Variants in PAIP2 observed in about 807,000 individuals in gnomAD.
PAIP2 encodes poly(A) binding protein interacting protein 2.
Under a neutral mutation model 14.8 loss-of-function variants are expected in PAIP2, and 7 were observed. That is an observed-to-expected ratio of 0.47 (90% CI 0.27 to 0.89). The LOEUF (loss-of-function observed/expected upper bound fraction) is 0.89, where lower values mean the gene tolerates loss of function less well. PAIP2 is among the 40% of genes least tolerant of loss of function. PAIP2 has a pLI of 0.13. For synonymous variants in PAIP2, 47 were observed against 45.3 expected, an observed-to-expected ratio of 1.04 and a Z score of -0.15; for missense variants, 122 against 154.7, an observed-to-expected ratio of 0.79 and a Z score of 1.12.
chr5:139,350,295 A>T (rs1336093288), intron 1 of PAIP2, among the ~76,000 whole-genome samples: 1 of 152,182 alleles, frequency 6.6e-6, no homozygotes, highest in Non-Finnish European at 1.5e-5. Flanking sequence ...CAGATTAAGT[A>T]AAAAAGATGA....
chr5:139,343,543 C>T (rs1756444820), intron 1 of PAIP2: 1 of 152,132 alleles, frequency 6.6e-6, no homozygotes, highest in Non-Finnish European at 1.5e-5. Flanking sequence ...AAAACTTGAA[C>T]ACTTAGCACA....
intron 3 of PAIP2, 104 bp from the exon 4 acceptor site, chr5:139,368,624 GTTCTT>G: frequency 2.7e-6 from 2 of 749,906 alleles, no homozygotes; most frequent in Non-Finnish European, 4.6e-6. Flanking sequence ...TACAGACTGA[GTTCTT>G]TTGTCTTTTT....
In PAIP2 at chr5:139,364,661, A is replaced by G. The variant is rs1431909097; in HGVS notation, c.236A>G (p.Asp79Gly). ...CATGAATGGTTTATTCCAGCTCGAG[A>G]TCTCCCACAAACTATGGACCAAATC... is the stretch of plus-strand genomic sequence containing the variant. ...EEHEWFIPAR[D>G]LPQTMDQIQD... The change falls in exon 3 of 4, where the codon GAT (aspartate) becomes GGT (glycine). Residue 79 changes from aspartate (D) to glycine (G), a missense_variant. Coordinates refer to ENST00000265192, the MANE Select transcript of PAIP2 (RefSeq NM_016480.5). 16 of 1,611,882 alleles carry G rather than the reference A, an allele frequency of 9.9e-6. No individual in the cohort carries two copies. The highest frequency in any genetic ancestry group is 1.4e-5 in the Non-Finnish European group (16 of 1,178,138).
intron 1 of PAIP2, among the ~76,000 whole-genome samples, chr5:139,356,908 A>G (rs1245107274): frequency 4.0e-5 from 6 of 150,914 alleles, no homozygotes; most frequent in Admixed American, 3.3e-4. Context: ...AAAAAAAAAA[A>G]GACATTTTGA....
chr5:139,356,222 C>T (rs748887292), intron 1 of PAIP2, among the ~76,000 whole-genome samples: 2 of 151,686 alleles, frequency 1.3e-5, no homozygotes, highest in African/African-American at 2.4e-5. Flanking sequence ...CCAAGGCAGG[C>T]GGATCACAAG....
intron 3 of PAIP2, among the ~76,000 whole-genome samples, chr5:139,367,985 C>T (rs1326388617): frequency 6.6e-6 from 1 of 151,920 alleles, no homozygotes; most frequent in Non-Finnish European, 1.5e-5. Context: ...AGGCAGATCA[C>T]GAGGTCAGAT....
intron 1 of PAIP2, among the ~76,000 whole-genome samples, chr5:139,352,503 T>TTTTTTTTTTTTTGTTTTTTTTTTTG (rs1422182919): frequency 3.2e-5 from 4 of 124,462 alleles, no homozygotes; most frequent in Non-Finnish European, 6.7e-5. Flanking sequence ...TTTTTTGTTG[T>TTTTTTTTTTTTTGTTTTTTTTTTTG]TTTTTTTTTT....
intron 3 of PAIP2, chr5:139,367,057 CT>C (rs1215635656): frequency 6.6e-6 from 1 of 152,050 alleles, no homozygotes; most frequent in Non-Finnish European, 1.5e-5. Context: ...GAGTCCATGT[CT>C]CAAAAAAAGA....
chr5:139,343,805 C>T (rs564127262), intron 1 of PAIP2, among the ~76,000 whole-genome samples: 1 of 151,196 alleles, frequency 6.6e-6, no homozygotes, highest in African/African-American at 2.4e-5. Flanking sequence ...CAACCTCCGC[C>T]TCCCCGGGTT....
chr5:139,362,068 T>TAG (rs2152053547), intron 1 of PAIP2, among the ~76,000 whole-genome samples: 1 of 152,190 alleles, frequency 6.6e-6, no homozygotes, highest in South Asian at 2.1e-4. Context: ...TCCAGAGCTA[T>TAG]ATACATGAAG....
chr5:139,351,344 A>T (rs1756728949), intron 1 of PAIP2, among the ~76,000 whole-genome samples: 2 of 152,072 alleles, frequency 1.3e-5, no homozygotes, highest in African/African-American at 4.8e-5. Flanking sequence ...TCATAGCAAG[A>T]TTGTGTGTAA....
At chr5:139,367,432 T>C (rs749693799) in intron 3 of PAIP2, 1 of 152,184 alleles carries the variant, frequency 6.6e-6, no homozygotes, top group Non-Finnish European at 1.5e-5. Context: ...TAGCATAACA[T>C]TGGTACAAGT....
At chr5:139,360,221 T>C (rs1757029256) in intron 1 of PAIP2, among the ~76,000 whole-genome samples, 1 of 152,070 alleles carries the variant, frequency 6.6e-6, no homozygotes. Context: ...CGCCTTGGCC[T>C]CCCAAAGTGT....
At chr5:139,362,388 A>G (rs1343659973) in intron 1 of PAIP2, among the ~76,000 whole-genome samples, 2 of 121,062 alleles carry the variant, frequency 1.7e-5, no homozygotes, top group Non-Finnish European at 3.5e-5. Flanking sequence ...GCCCAGCTAA[A>G]TTTTTTGTTT....
chr5:139,368,810 C>T lies in PAIP2; in HGVS notation c.*12C>T, dbSNP rs762198135. ...ACGGAAATATTTGAGTAGACGGGGC[C>T]CTCTTTTGGTGGATGTAGCACAATT... On this transcript the variant is annotated 3_prime_UTR_variant, in exon 4 of 4. Coordinates refer to ENST00000265192, the MANE Select transcript of PAIP2 (RefSeq NM_016480.5). 3.1e-6 allele frequency: 5 copies of T among 1,594,748 alleles called. No individual in the cohort carries two copies. The highest frequency in any genetic ancestry group is 3.4e-6 in the Non-Finnish European group (4 of 1,162,916).
chr5:139,358,145 G>A (rs748192017), intron 1 of PAIP2, among the ~76,000 whole-genome samples: 1 of 152,188 alleles, frequency 6.6e-6, no homozygotes, highest in Non-Finnish European at 1.5e-5. Context: ...CCTGGTGCAT[G>A]TTTTAGAGTC....
chr5:139,344,230 C>G (rs1756469346), intron 1 of PAIP2, among the ~76,000 whole-genome samples: 1 of 152,112 alleles, frequency 6.6e-6, no homozygotes, highest in Non-Finnish European at 1.5e-5. Flanking sequence ...CCAGATAGTC[C>G]AGAGATTCTA....
At chr5:139,351,941 C>G (rs980577688) in intron 1 of PAIP2, among the ~76,000 whole-genome samples, 1 of 152,138 alleles carries the variant, frequency 6.6e-6, no homozygotes, top group African/African-American at 2.4e-5. Context: ...GCTTTCCTAA[C>G]AAAATTGATC....
intron 1 of PAIP2, among the ~76,000 whole-genome samples, chr5:139,362,550 A>G (rs903922729): frequency 6.6e-6 from 1 of 151,618 alleles, no homozygotes; most frequent in Non-Finnish European, 1.5e-5. Context: ...AGCTGGGATT[A>G]CAGGCATGTG....
Sources: allele counts gnomAD v4.1 joint callset (sites outside exome capture counted in the v4.1 genomes callset), GRCh38; gene constraint gnomAD v4.1.1; transcripts MANE v1.5; gene names NCBI Gene and HGNC (gene_info 2026-07-23, HGNC 2026-07-21).